Variants in MCPH1 observed in about 807,000 individuals in gnomAD.
MCPH1 encodes the protein microcephalin.
In MCPH1, 104 loss-of-function variants were observed where a neutral mutation model predicts 84.5. That is an observed-to-expected ratio of 1.23 (90% CI 1.05 to 1.45). The LOEUF (loss-of-function observed/expected upper bound fraction) is 1.45. MCPH1 is among the 40% of genes most tolerant of loss of function. The probability of loss-of-function intolerance (pLI) is 0.00; values close to 1 mark genes in which losing one functional copy is unlikely to be tolerated. For missense variants in MCPH1, 1,498 were observed against 1,005.7 expected, an observed-to-expected ratio of 1.49 and a Z score of -6.62; for synonymous variants, 514 against 366.8, an observed-to-expected ratio of 1.40 and a Z score of -4.58.
chr8:6,606,543 G>C (rs1002854557), intron 12 of MCPH1, among the ~76,000 whole-genome samples: 3 of 152,214 alleles, frequency 2.0e-5, no homozygotes, highest in Non-Finnish European at 2.9e-5. Flanking sequence ...CTGTCGACCA[G>C]GGAGTGTCAG....
chr8:6,630,683 A>C (rs1238607343), intron 13 of MCPH1, among the ~76,000 whole-genome samples: 1 of 151,018 alleles, frequency 6.6e-6, no homozygotes, highest in Non-Finnish European at 1.5e-5. Flanking sequence ...TGGGAGGCTG[A>C]GGCAGGAGAA....
At chr8:6,626,824 T>C (rs1003226559) in intron 13 of MCPH1, 3 of 985,114 alleles carry the variant, frequency 3.0e-6, no homozygotes, top group Non-Finnish European at 2.4e-6. Flanking sequence ...CTGTGCACTC[T>C]TCCCTCCCTG....
intron 12 of MCPH1, among the ~76,000 whole-genome samples, chr8:6,579,194 C>G (rs563942560): frequency 2.0e-5 from 3 of 152,346 alleles, no homozygotes; most frequent in African/African-American, 7.2e-5. Context: ...TAGCCCTCTT[C>G]ATCTGTTAAG....
chr8:6,452,154 C>G (rs1003609486), intron 8 of MCPH1, among the ~76,000 whole-genome samples: 11 of 152,140 alleles, frequency 7.2e-5, no homozygotes, highest in African/African-American at 2.7e-4. Context: ...CTGTCTTGCC[C>G]TGGATCTGGC....
intron 13 of MCPH1, among the ~76,000 whole-genome samples, chr8:6,640,605 G>T (rs1797879085): frequency 6.6e-6 from 1 of 151,916 alleles, no homozygotes; most frequent in Non-Finnish European, 1.5e-5. Context: ...AACTTTTGTT[G>T]TGTTATAAAA....
At chr8:6,593,368 C>T (rs1015520325) in intron 12 of MCPH1, among the ~76,000 whole-genome samples, 2 of 150,256 alleles carry the variant, frequency 1.3e-5, no homozygotes, top group African/African-American at 4.9e-5. Context: ...TAGGCATAAG[C>T]CACCAAACTC....
intron 10 of MCPH1, among the ~76,000 whole-genome samples, chr8:6,478,289 C>G (rs1362326105): frequency 1.3e-5 from 2 of 151,970 alleles, no homozygotes; most frequent in African/African-American, 4.8e-5. Context: ...CTGCCTGGGG[C>G]TTAGAAATAA....
chr8:6,474,682 A>G (rs1300707950), intron 9 of MCPH1, among the ~76,000 whole-genome samples: 1 of 152,214 alleles, frequency 6.6e-6, no homozygotes, highest in Admixed American at 6.5e-5. Context: ...AGCTTTTGTA[A>G]GAACATGTAA....
chr8:6,566,536 G>A (rs560007983), intron 12 of MCPH1, among the ~76,000 whole-genome samples: 109 of 152,338 alleles, frequency 7.2e-4, no homozygotes, highest in Non-Finnish European at 1.1e-3. Context: ...ACCTGTGGTC[G>A]GCATGGCCAT....
intron 12 of MCPH1, among the ~76,000 whole-genome samples, chr8:6,528,995 T>G (rs772380167): frequency 1.3e-5 from 2 of 152,234 alleles, no homozygotes; most frequent in Non-Finnish European, 2.9e-5. Context: ...GTCCAAACAT[T>G]CTATGTTGGT....
At chr8:6,452,278 C>T (rs1563230630) in intron 8 of MCPH1, among the ~76,000 whole-genome samples, 1 of 152,204 alleles carries the variant, frequency 6.6e-6, no homozygotes, top group East Asian at 1.9e-4. Flanking sequence ...CTAATTCACA[C>T]TGAGAGGTGA....
intron 12 of MCPH1, among the ~76,000 whole-genome samples, chr8:6,554,170 T>C (rs1162780469): frequency 6.6e-6 from 1 of 150,654 alleles, no homozygotes; most frequent in Non-Finnish European, 1.5e-5. Context: ...TATCACCAGA[T>C]TAAACCACCT....
In MCPH1 at chr8:6,625,609, G is replaced by A. The variant is rs577593465; in HGVS notation, c.2452+3918G>A. ...ATTTATTCAAACTGGAATATCAACT[G>A]CTTTGTAAGGTAGGGTCCCTGAGCG... On this transcript the variant is annotated intron_variant, in intron 13 of 13. Transcript: ENST00000344683. 2.7e-5 allele frequency: 27 copies of A among 985,328 alleles called. 1 individual carries two copies. The African/African-American group carries it at 3.3e-4, about 12-fold the overall frequency. 61.0% of individuals were successfully genotyped at this position (985,328 alleles called of 1,614,324 possible). A position where few individuals can be genotyped will look rare whatever the true frequency, so the allele number is the denominator to read the frequency against.
At chr8:6,605,478 A>G (rs1829693606) in intron 12 of MCPH1, among the ~76,000 whole-genome samples, 2 of 152,182 alleles carry the variant, frequency 1.3e-5, no homozygotes, top group Admixed American at 1.3e-4. Flanking sequence ...CAAATAAATC[A>G]TGGAAACGAA....
At chr8:6,514,466 G>T (rs866270960) in intron 12 of MCPH1, among the ~76,000 whole-genome samples, 31 of 152,328 alleles carry the variant, frequency 2.0e-4, no homozygotes, top group South Asian at 1.7e-3. Flanking sequence ...TGGGATTACA[G>T]GCGTGAGCCA....
chr8:6,543,831 C>A (rs1822050796), intron 12 of MCPH1, among the ~76,000 whole-genome samples: 1 of 152,100 alleles, frequency 6.6e-6, no homozygotes, highest in African/African-American at 2.4e-5. Context: ...AATTTAAACC[C>A]CCTGTGTGCA....
chr8:6,626,292 C>T (rs28436694), intron 13 of MCPH1: 3 of 985,312 alleles, frequency 3.0e-6, no homozygotes, highest in Non-Finnish European at 3.6e-6. Flanking sequence ...CACTTGCTCC[C>T]TGGAGAATTT....
At chr8:6,515,042 G>A (rs1362600081) in intron 12 of MCPH1, among the ~76,000 whole-genome samples, 1 of 152,186 alleles carries the variant, frequency 6.6e-6, no homozygotes, top group Non-Finnish European at 1.5e-5. Flanking sequence ...GTCATCATCT[G>A]TTCCAGGCTA....
intron 12 of MCPH1, among the ~76,000 whole-genome samples, chr8:6,567,194 T>A (rs1185162608): frequency 1.1e-4 from 3 of 27,868 alleles, no homozygotes; most frequent in Non-Finnish European, 1.6e-4. Flanking sequence ...AGCAAGGCCA[T>A]GGATAGTGCA....
Sources: allele counts gnomAD v4.1 joint callset (sites outside exome capture counted in the v4.1 genomes callset), GRCh38; gene constraint gnomAD v4.1.1; transcripts MANE v1.5; gene names NCBI Gene and HGNC (gene_info 2026-07-23, HGNC 2026-07-21).